The following KCNH1 variants were observed in gnomAD, a reference collection of about 807,000 sequenced individuals.
KCNH1 encodes potassium voltage-gated channel subfamily H member 1.
In KCNH1, 27 loss-of-function variants were observed where a neutral mutation model predicts 69.2. The observed-to-expected ratio is 0.39, with a 90% CI of 0.29 to 0.54. The LOEUF is 0.54. Among genes scored for constraint, KCNH1 ranks in the 20% least tolerant of loss-of-function variants. The pLI is 0.68. For missense variants in KCNH1, 798 were observed against 1,261.6 expected, an observed-to-expected ratio of 0.63 and a Z score of 5.57; for synonymous variants, 456 against 487.7, an observed-to-expected ratio of 0.93 and a Z score of 0.86.
At chr1:211,120,668 T>C (rs1691669159) in intron 1 of KCNH1, among the ~76,000 whole-genome samples, 1 of 151,884 alleles carries the variant, frequency 6.6e-6, no homozygotes, top group Admixed American at 6.6e-5. Flanking sequence ...TATTAATGAG[T>C]ACTAGAAAAA....
At chr1:211,018,099 T>G (rs756379932) in intron 6 of KCNH1, among the ~76,000 whole-genome samples, 1 of 152,102 alleles carries the variant, frequency 6.6e-6, no homozygotes, top group Non-Finnish European at 1.5e-5. Flanking sequence ...GGCTCCCCCC[T>G]TCACCTTCCA....
intron 10 of KCNH1, among the ~76,000 whole-genome samples, chr1:210,749,311 A>C (rs1683231372): frequency 6.6e-6 from 1 of 152,160 alleles, no homozygotes; most frequent in African/African-American, 2.4e-5. Context: ...GGCTTCTGGG[A>C]GAGATTTTAC....
chr1:210,819,306 G>A, intron 7 of KCNH1, among the ~76,000 whole-genome samples: 1 of 152,096 alleles, frequency 6.6e-6, no homozygotes, highest in East Asian at 1.9e-4. Flanking sequence ...TTACTTGAAA[G>A]AGGAAGGATA....
intron 7 of KCNH1, among the ~76,000 whole-genome samples, chr1:210,904,617 C>G (rs1049458348): frequency 6.6e-6 from 1 of 152,094 alleles, no homozygotes; most frequent in African/African-American, 2.4e-5. Context: ...ATTTTGGAAG[C>G]GGGACTGGGG....
chr1:210,726,759 G>A (rs942223725), intron 10 of KCNH1, among the ~76,000 whole-genome samples: 1 of 152,124 alleles, frequency 6.6e-6, no homozygotes, highest in Admixed American at 6.5e-5. Flanking sequence ...CCCCAAACAG[G>A]GTGAGTCAAA....
chr1:211,030,059 C>T (rs982474076), intron 5 of KCNH1, among the ~76,000 whole-genome samples: 4 of 152,108 alleles, frequency 2.6e-5, no homozygotes, highest in Non-Finnish European at 4.4e-5. Context: ...GAAGACAAAA[C>T]ATACTGAAGA....
At chr1:210,883,607 C>T (rs1354237189) in intron 7 of KCNH1, among the ~76,000 whole-genome samples, 1 of 152,202 alleles carries the variant, frequency 6.6e-6, no homozygotes, top group Non-Finnish European at 1.5e-5. Flanking sequence ...CTTTGCATCC[C>T]AGCCAGCCTG....
intron 5 of KCNH1, among the ~76,000 whole-genome samples, chr1:211,065,937 A>T (rs1690521121): frequency 1.3e-5 from 2 of 152,020 alleles, no homozygotes; most frequent in African/African-American, 4.8e-5. Context: ...ATGTACCTGT[A>T]GTCCCCACCT....
At chr1:211,026,021 C>A (rs1689677205) in intron 5 of KCNH1, among the ~76,000 whole-genome samples, 1 of 152,154 alleles carries the variant, frequency 6.6e-6, no homozygotes, top group African/African-American at 2.4e-5. Context: ...CTCACTTTGT[C>A]TCTCAAACTG....
intron 6 of KCNH1, among the ~76,000 whole-genome samples, chr1:210,965,172 C>G (rs540401975): frequency 6.6e-6 from 1 of 152,152 alleles, no homozygotes; most frequent in Non-Finnish European, 1.5e-5. Flanking sequence ...TGGAAGCATT[C>G]CCTTTGAAAA....
chr1:210,970,511 C>T (rs1688493783), intron 6 of KCNH1, among the ~76,000 whole-genome samples: 1 of 152,088 alleles, frequency 6.6e-6, no homozygotes, highest in Non-Finnish European at 1.5e-5. Flanking sequence ...TGATCTTCAA[C>T]ATACCTGACA....
Position 210,948,830 on chromosome 1 carries a change from A to G in KCNH1, c.1033-28761T>C, listed in dbSNP as rs1255298547. Among the ~76,000 whole-genome samples the G allele has an allele frequency of 5.3e-5, 8 of 151,816 alleles. No individual in the cohort carries two copies. In the East Asian group the frequency reaches 1.5e-3, roughly 29 times the overall value. ...GCCACAGAGCAAGACTCCATCTCAAAAAAAAGGAAAAAAAAAAAAAGAAAA... is the reference window on the plus strand; with the variant it reads ...GCCACAGAGCAAGACTCCATCTCAAGAAAAAGGAAAAAAAAAAAAAGAAAA... On this transcript the variant is annotated intron_variant, in intron 6 of 10. Transcript: ENST00000271751.
intron 5 of KCNH1, among the ~76,000 whole-genome samples, chr1:211,050,523 T>C (rs866234546): frequency 6.6e-6 from 1 of 152,166 alleles, no homozygotes; most frequent in African/African-American, 2.4e-5. Context: ...CGCTTTACAC[T>C]ACAGTCCAGG....
intron 6 of KCNH1, among the ~76,000 whole-genome samples, chr1:211,009,365 G>C (rs1004161759): frequency 6.6e-6 from 1 of 152,158 alleles, no homozygotes; most frequent in African/African-American, 2.4e-5. Flanking sequence ...CTCTTTCTAG[G>C]AGTCTTTCAG....
chr1:210,684,448 T>C (rs1445638895), intron 10 of KCNH1, among the ~76,000 whole-genome samples: 2 of 152,212 alleles, frequency 1.3e-5, no homozygotes, highest in Non-Finnish European at 2.9e-5. Flanking sequence ...AAAGAGCATC[T>C]TCCCAGGGGA....
chr1:210,826,532 C>T (rs1283550603), intron 7 of KCNH1, among the ~76,000 whole-genome samples: 1 of 152,194 alleles, frequency 6.6e-6, no homozygotes, highest in Non-Finnish European at 1.5e-5. Context: ...GGAAGCATGA[C>T]ACCTTACCCT....
intron 10 of KCNH1, among the ~76,000 whole-genome samples, chr1:210,701,810 T>G (rs1028525641): frequency 2.0e-5 from 3 of 152,112 alleles, no homozygotes; most frequent in Non-Finnish European, 4.4e-5. Context: ...TGCCCAAATA[T>G]CATCTGGCTG....
intron 5 of KCNH1, among the ~76,000 whole-genome samples, chr1:211,056,555 C>A (rs757985235): frequency 3.2e-4 from 49 of 152,228 alleles, no homozygotes; most frequent in Admixed American, 9.8e-4. Context: ...TAAGCAATAG[C>A]CAGGCAGGGG....
chr1:211,067,509 ATAC>A, intron 5 of KCNH1, among the ~76,000 whole-genome samples: 1 of 152,296 alleles, frequency 6.6e-6, no homozygotes, highest in South Asian at 2.1e-4. Flanking sequence ...CTGTGGCCTG[ATAC>A]TACCCCTGCC....
Sources: gnomAD v4.1 joint callset for allele counts (sites outside exome capture counted in the v4.1 genomes callset) on GRCh38, gnomAD v4.1.1 for gene constraint, MANE v1.5 for transcripts, NCBI Gene and HGNC (gene_info 2026-07-23, HGNC 2026-07-21) for gene names.